The following CNTNAP5 variants were observed in gnomAD, a reference collection of about 807,000 sequenced individuals.
CNTNAP5 encodes the protein contactin associated protein family member 5, also known as contactin-associated protein-like 5.
CNTNAP5 carries 72 observed loss-of-function variants against 150.2 expected under a neutral mutation model. The observed-to-expected ratio is 0.48, with a 90% confidence interval of 0.40 to 0.58. The LOEUF (loss-of-function observed/expected upper bound fraction) is 0.58, where lower values mean the gene tolerates loss of function less well. Ranked by LOEUF, CNTNAP5 falls within the 20% of genes least tolerant of loss-of-function variation. The pLI is 0.00. For synonymous variants in CNTNAP5, 672 were observed against 619.8 expected (o/e 1.08, Z -1.25); for missense variants, 1,636 against 1,626.2 (o/e 1.01, Z -0.10).
chr2:124,320,677 G>GA (rs879427183), intron 3 of CNTNAP5, among the ~76,000 whole-genome samples: 233 of 147,768 alleles, frequency 1.6e-3, no homozygotes, highest in African/African-American at 4.8e-3. Flanking sequence ...AGCATTCAAG[G>GA]AAAAAAAAAA....
At chr2:124,207,351 G>T (rs1475249890) in intron 1 of CNTNAP5, among the ~76,000 whole-genome samples, 1 of 152,196 alleles carries the variant, frequency 6.6e-6, no homozygotes, top group Non-Finnish European at 1.5e-5. Flanking sequence ...TTTCCAAGCT[G>T]TGCTGTCATC....
intron 11 of CNTNAP5, among the ~76,000 whole-genome samples, chr2:124,608,049 C>T (rs1677294761): frequency 1.3e-5 from 2 of 152,304 alleles, no homozygotes; most frequent in South Asian, 4.1e-4. Flanking sequence ...TCTCAGGCTT[C>T]ATAACTTTCC....
intron 1 of CNTNAP5, among the ~76,000 whole-genome samples, chr2:124,126,043 A>G (rs992669971): frequency 2.6e-5 from 4 of 152,206 alleles, no homozygotes; most frequent in African/African-American, 4.8e-5. Context: ...AGCTAGCAGA[A>G]GGCAAGAAAT....
intron 1 of CNTNAP5, among the ~76,000 whole-genome samples, chr2:124,069,607 C>T (rs949197125): frequency 4.6e-5 from 7 of 152,108 alleles, no homozygotes; most frequent in African/African-American, 1.2e-4. Flanking sequence ...GGAGTGCATG[C>T]ATCACCCTAC....
chr2:124,456,020 G>A (rs535008205), intron 6 of CNTNAP5, among the ~76,000 whole-genome samples: 246 of 152,172 alleles, frequency 1.6e-3, no homozygotes, highest in Admixed American at 2.8e-3. Context: ...AAGGATGCCC[G>A]CTCTCACCAC....
chr2:124,706,788 GA>G (rs1679654365), intron 13 of CNTNAP5, among the ~76,000 whole-genome samples: 4 of 35,524 alleles, frequency 1.1e-4, no homozygotes, highest in Non-Finnish European at 1.6e-4. Context: ...AGAAGAAGAA[GA>G]AGAAGAAGGA....
At chr2:124,135,357 G>A (rs1399594805) in intron 1 of CNTNAP5, among the ~76,000 whole-genome samples, 6 of 152,212 alleles carry the variant, frequency 3.9e-5, no homozygotes, top group South Asian at 2.1e-4. Context: ...ACACAGGCAA[G>A]CAAAGGGACC....
chr2:124,370,925 GTTTTA>G (rs1409961461), intron 3 of CNTNAP5, among the ~76,000 whole-genome samples: 2 of 152,082 alleles, frequency 1.3e-5, no homozygotes, highest in Non-Finnish European at 2.9e-5. Context: ...GTTTTGTTTT[GTTTTA>G]GAGTAAGTTT....
intron 3 of CNTNAP5, among the ~76,000 whole-genome samples, chr2:124,349,217 T>A (rs77691961): frequency 0.077 from 11,651 of 152,246 alleles, 565 homozygotes; most frequent in East Asian, 0.22. Context: ...ACTACACGCC[T>A]AGGCTGTACG....
chr2:124,706,795 A>AAGAAGAAGAAGG (rs1553433527), intron 13 of CNTNAP5, among the ~76,000 whole-genome samples: 49 of 18,848 alleles, frequency 2.6e-3, no homozygotes, highest in Non-Finnish European at 3.3e-3. Flanking sequence ...GAAGAAGAAG[A>AAGAAGAAGAAGG]AGGAGGAGGA....
intron 21 of CNTNAP5, among the ~76,000 whole-genome samples, chr2:124,883,707 T>C (rs1472789526): frequency 3.3e-5 from 5 of 152,114 alleles, no homozygotes; most frequent in Non-Finnish European, 7.4e-5. Flanking sequence ...TATTGGTACA[T>C]GTACACATAT....
chr2:124,563,423 T>C (rs1695939381), intron 11 of CNTNAP5, 100 bp downstream of exon 11: 1 of 698,884 alleles, frequency 1.4e-6, no homozygotes, highest in Non-Finnish European at 2.5e-6. Context: ...GCATGTTTTA[T>C]TCACTCATTC....
Position 124,443,813 on chromosome 2 carries a change from CGTGTGT to C in CNTNAP5, c.734-2906_734-2901del, listed in dbSNP as rs3034804. ...TTGGGGAAAGGGTGTAATTCCTTGC[CGTGTGT>C]GTGTGTGTGTGTGTGTGTGTGTGTG... On this transcript the variant is annotated intron_variant, in intron 5 of 23. Transcript: ENST00000682447. Among the ~76,000 whole-genome samples, 1,047 of 143,638 alleles carry C rather than the reference CGTGTGT, an allele frequency of 7.3e-3. 8 individuals are homozygous for C. Among genetic ancestry groups the C allele is most frequent in the African/African-American group, 0.018 (681 of 38,594 alleles). The allele number at this position is 143,638 out of a possible 152,430, so 94.2% of individuals were successfully genotyped here.
chr2:124,494,144 T>G (rs921886714), intron 7 of CNTNAP5, among the ~76,000 whole-genome samples: 5 of 151,482 alleles, frequency 3.3e-5, no homozygotes, highest in Admixed American at 6.6e-5. Context: ...ACATGGCTGT[T>G]AAGGCTGAGA....
rs766836779 is a variant in CNTNAP5, at chr2:124,914,142, A to G, written c.3778A>G (p.Thr1260Ala). 30 of 1,612,382 alleles carry G rather than the reference A, an allele frequency of 1.9e-5. No individual in the cohort carries two copies. The highest frequency in any genetic ancestry group is 3.3e-5 in the Admixed American group (2 of 59,886). The change falls in exon 24 of 24, where the codon ACC (threonine) becomes GCC (alanine). Residue 1260 changes from threonine (T) to alanine (A), a missense_variant. Physicochemically the swap from Thr to Ala is moderately conservative, Grantham distance 58. Transcript: ENST00000682447. The part of the protein sequence containing the change: ...FIIFCIIGIM[T>A]RFLYQHKQSH... ...CATCTTCTGTATCATCGGCATCATG[A>G]CCCGGTTCCTCTACCAGCACAAGCA... is the stretch of plus-strand genomic sequence containing the variant.
intron 8 of CNTNAP5, among the ~76,000 whole-genome samples, chr2:124,512,982 T>C (rs1694627931): frequency 6.6e-6 from 1 of 152,250 alleles, no homozygotes; most frequent in African/African-American, 2.4e-5. Context: ...ATTGATATTT[T>C]CTCAAGAAAC....
chr2:124,871,090 T>A lies in CNTNAP5; in HGVS notation c.3436+1328T>A, dbSNP rs189612135. Among the ~76,000 whole-genome samples the A allele has an allele frequency of 7.2e-5, 11 of 152,228 alleles. No individual in the cohort carries two copies. The East Asian group carries it at 2.1e-3, about 29-fold the overall frequency. ...TCACAGTCCTAATAATAATCATTTT[T>A]ATATTTTTCAGATACTGCTTATTTT... On this transcript the variant is annotated intron_variant, in intron 21 of 23. Transcript: ENST00000682447.
At chr2:124,133,331 G>C (rs1470669377) in intron 1 of CNTNAP5, among the ~76,000 whole-genome samples, 1 of 152,100 alleles carries the variant, frequency 6.6e-6, no homozygotes, top group Admixed American at 6.5e-5. Context: ...GTCTATGAGA[G>C]TCCCTATAGC....
At chr2:124,505,263 A>G (rs951441896) in intron 8 of CNTNAP5, among the ~76,000 whole-genome samples, 1 of 152,140 alleles carries the variant, frequency 6.6e-6, no homozygotes, top group Non-Finnish European at 1.5e-5. Context: ...TACACTTAAT[A>G]AATGAGGAAA....
Sources: allele counts gnomAD v4.1 joint callset (sites outside exome capture counted in the v4.1 genomes callset), GRCh38; gene constraint gnomAD v4.1.1; transcripts MANE v1.5; gene names NCBI Gene and HGNC (gene_info 2026-07-23, HGNC 2026-07-21).